Variants in ZFHX3 observed in about 807,000 individuals in gnomAD.
ZFHX3 encodes zinc finger homeobox 3.
A neutral mutation model predicts 279.1 loss-of-function variants in ZFHX3; 42 were observed. That is an observed-to-expected ratio of 0.15 (90% CI 0.12 to 0.19). ZFHX3 has a LOEUF of 0.19. Ranked by LOEUF, ZFHX3 falls within the 10% of genes least tolerant of loss-of-function variation. ZFHX3 has a pLI of 1.00. For synonymous variants in ZFHX3, 2,293 were observed against 1,957.8 expected (o/e 1.17, Z -4.52); for missense variants, 4,981 against 4,754.0 (o/e 1.05, Z -1.40).
chr16:73,152,323 T>C (rs1966962302), intron 5 of ZFHX3, among the ~76,000 whole-genome samples: 1 of 152,212 alleles, frequency 6.6e-6, no homozygotes, highest in South Asian at 2.1e-4. Context: ...GGGAGTTTTC[T>C]AGCTTTATCA....
intron 1 of ZFHX3, among the ~76,000 whole-genome samples, chr16:73,768,479 A>G (rs1051903749): frequency 6.6e-6 from 1 of 152,200 alleles, no homozygotes; most frequent in African/African-American, 2.4e-5. Context: ...CTTAAAATCT[A>G]AGCTAGACCT....
chr16:73,224,040 A>G (rs1360048128), intron 5 of ZFHX3, among the ~76,000 whole-genome samples: 1 of 152,228 alleles, frequency 6.6e-6, no homozygotes, highest in African/African-American at 2.4e-5. Context: ...AGGGATGAGT[A>G]GGCAGGGCAT....
chr16:73,047,097 G>C lies in ZFHX3; in HGVS notation c.-50+655C>G, dbSNP rs554046991. ...GAAAAGAACATTTTCCAGAAGGTTC[G>C]TTTCCCTCCAAGCCTACAATGCTTC... is the stretch of plus-strand genomic sequence containing the variant. On this transcript the variant is annotated intron_variant, in intron 1 of 9. Transcript: ENST00000268489. 4.1e-4 allele frequency among the ~76,000 whole-genome samples: 62 copies of C among 152,250 alleles called. No individual in the cohort carries two copies. The South Asian group carries it at 0.013, about 31-fold the overall frequency.
intron 5 of ZFHX3, among the ~76,000 whole-genome samples, chr16:72,815,773 A>G (rs542809944): frequency 6.6e-6 from 1 of 152,372 alleles, no homozygotes; most frequent in East Asian, 1.9e-4. Flanking sequence ...CACTCCAGAG[A>G]CAAGACATAG....
chr16:73,025,867 A>C (rs897885309), intron 1 of ZFHX3, among the ~76,000 whole-genome samples: 2 of 152,178 alleles, frequency 1.3e-5, no homozygotes, highest in Non-Finnish European at 2.9e-5. Flanking sequence ...TGCAAAGCGA[A>C]AGATGTTCTC....
chr16:73,847,435 C>T (rs1021444830), intron 1 of ZFHX3, among the ~76,000 whole-genome samples: 7 of 152,176 alleles, frequency 4.6e-5, no homozygotes, highest in Admixed American at 3.9e-4. Context: ...TGCTGGAGAA[C>T]AGCACCCTTG....
chr16:72,856,694 A>G (rs538949949), intron 4 of ZFHX3, among the ~76,000 whole-genome samples: 2 of 152,090 alleles, frequency 1.3e-5, no homozygotes, highest in African/African-American at 4.8e-5. Flanking sequence ...GCAATCATCA[A>G]CCTCAATGCT....
intron 2 of ZFHX3, among the ~76,000 whole-genome samples, chr16:73,639,693 T>C (rs1227376522): frequency 6.6e-6 from 1 of 151,918 alleles, no homozygotes; most frequent in Non-Finnish European, 1.5e-5. Context: ...TTAAACATGG[T>C]AGATTGAACA....
chr16:73,288,216 G>A (rs975156383), intron 4 of ZFHX3, among the ~76,000 whole-genome samples: 1 of 151,978 alleles, frequency 6.6e-6, no homozygotes. Flanking sequence ...GGGCTGGGGT[G>A]GAGAGGTGGG....
chr16:73,574,970 T>C (rs1303189258), intron 2 of ZFHX3, among the ~76,000 whole-genome samples: 1 of 152,202 alleles, frequency 6.6e-6, no homozygotes, highest in Non-Finnish European at 1.5e-5. Context: ...GTTCCATCTT[T>C]AAGTGTTTAA....
chr16:72,995,657 G>A (rs1278447802), intron 1 of ZFHX3, among the ~76,000 whole-genome samples: 2 of 152,258 alleles, frequency 1.3e-5, no homozygotes, highest in East Asian at 1.9e-4. Flanking sequence ...GTGGCATGGT[G>A]TGCAGCAAGA....
chr16:73,402,648 A>G (rs1242276573), intron 3 of ZFHX3, among the ~76,000 whole-genome samples: 2 of 152,226 alleles, frequency 1.3e-5, no homozygotes, highest in African/African-American at 4.8e-5. Context: ...CTCATTTTCC[A>G]GCTATGAAAC....
intron 5 of ZFHX3, among the ~76,000 whole-genome samples, chr16:73,252,573 G>A (rs989354868): frequency 6.6e-6 from 1 of 152,190 alleles, no homozygotes; most frequent in African/African-American, 2.4e-5. Context: ...GGCACTGGGA[G>A]TTTAAGTTCA....
At chr16:73,209,235 G>A (rs1225245947) in intron 5 of ZFHX3, among the ~76,000 whole-genome samples, 1 of 152,172 alleles carries the variant, frequency 6.6e-6, no homozygotes, top group South Asian at 2.1e-4. Flanking sequence ...ATATATTTCA[G>A]TGAAAATGAT....
chr16:73,249,283 C>T (rs773554912), intron 5 of ZFHX3, among the ~76,000 whole-genome samples: 7 of 152,158 alleles, frequency 4.6e-5, no homozygotes, highest in Non-Finnish European at 7.4e-5. Flanking sequence ...CAAAATAATT[C>T]TCTAATTTTT....
intron 1 of ZFHX3, among the ~76,000 whole-genome samples, chr16:73,779,730 T>G (rs1489204711): frequency 2.0e-5 from 3 of 152,118 alleles, no homozygotes; most frequent in Non-Finnish European, 2.9e-5. Context: ...AAGCCTTTCC[T>G]TTTTTTGAGA....
intron 1 of ZFHX3, among the ~76,000 whole-genome samples, chr16:73,020,863 G>GC (rs1051280540): frequency 1.3e-4 from 20 of 151,600 alleles, no homozygotes; most frequent in South Asian, 4.2e-4. Context: ...ACTTCATCCC[G>GC]CCCCCCCAAT....
At chr16:73,536,246 T>A (rs190405531) in intron 2 of ZFHX3, among the ~76,000 whole-genome samples, 216 of 152,304 alleles carry the variant, frequency 1.4e-3, no homozygotes, top group Non-Finnish European at 1.9e-3. Context: ...TTTATGTAAG[T>A]CTAAAACATT....
chr16:73,485,019 C>T (rs965544528), intron 2 of ZFHX3, among the ~76,000 whole-genome samples: 14 of 151,820 alleles, frequency 9.2e-5, no homozygotes, highest in African/African-American at 3.1e-4. Context: ...CTCAGAGACA[C>T]GACTATAAAA....
Sources: gnomAD v4.1 joint callset for allele counts (sites outside exome capture counted in the v4.1 genomes callset) on GRCh38, gnomAD v4.1.1 for gene constraint, MANE v1.5 for transcripts, NCBI Gene and HGNC (gene_info 2026-07-23, HGNC 2026-07-21) for gene names.